The following ADAMTS9 variants were observed in gnomAD, a reference collection of about 807,000 sequenced individuals.
ADAMTS9 encodes the protein A disintegrin and metalloproteinase with thrombospondin motifs 9.
ADAMTS9 carries 107 observed loss-of-function variants against 257.1 expected under a neutral mutation model. That is an observed-to-expected ratio of 0.42 (90% CI 0.36 to 0.49). The LOEUF (loss-of-function observed/expected upper bound fraction) is 0.49. ADAMTS9 is among the 20% of genes least tolerant of loss of function. ADAMTS9 has a pLI of 0.03. For synonymous variants in ADAMTS9, 982 were observed against 880.9 expected (o/e 1.11, Z -2.03); for missense variants, 2,353 against 2,469.1 (o/e 0.95, Z 1.00).
In ADAMTS9 at chr3:64,641,937, T is replaced by C. The variant is rs372560691; in HGVS notation, c.1767A>G (p.Gly589=). 3.5e-5 allele frequency: 56 copies of C among 1,613,964 alleles called. No homozygotes were observed. Among genetic ancestry groups the C allele is most frequent in the Non-Finnish European group, 4.3e-5 (51 of 1,179,990 alleles). The change falls in exon 12 of 40, where the codon GGA becomes GGG. Residue 589 remains glycine (G), a synonymous_variant. Coordinates refer to ENST00000498707, the MANE Select transcript of ADAMTS9 (RefSeq NM_182920.2). ...CAAAGGGACTCCAACTTCCCCAGGA[T>C]CCATCTGTCACGGGGACATCCATTT... is the stretch of plus-strand genomic sequence containing the variant. ...PKEMDVPVTD[G]SWGSWSPFGT... is the part of the protein sequence containing the mutation.
At chr3:64,601,386 C>G (rs1360631479) in intron 26 of ADAMTS9, among the ~76,000 whole-genome samples, 2 of 152,122 alleles carry the variant, frequency 1.3e-5, no homozygotes, top group African/African-American at 2.4e-5. Flanking sequence ...TGGATCAAAC[C>G]TACGCATCTT....
At chr3:64,576,376 T>A (rs890479516) in intron 28 of ADAMTS9, among the ~76,000 whole-genome samples, 1 of 152,062 alleles carries the variant, frequency 6.6e-6, no homozygotes, top group African/African-American at 2.4e-5. Context: ...GCTGTGAGAG[T>A]TGTCACAGTC....
At chr3:64,608,350 A>T (rs886182642) in intron 22 of ADAMTS9, among the ~76,000 whole-genome samples, 1 of 151,866 alleles carries the variant, frequency 6.6e-6, no homozygotes, top group East Asian at 1.9e-4. Context: ...AATAGAAAAA[A>T]ATCAACAGAA....
intron 16 of ADAMTS9, among the ~76,000 whole-genome samples, chr3:64,622,902 T>C (rs998124363): frequency 1.3e-5 from 2 of 152,248 alleles, no homozygotes; most frequent in African/African-American, 4.8e-5. Context: ...CCCACAGTTA[T>C]AGAATTATAG....
At chr3:64,671,180 A>G (rs1435494267) in intron 3 of ADAMTS9, among the ~76,000 whole-genome samples, 1 of 152,206 alleles carries the variant, frequency 6.6e-6, no homozygotes, top group African/African-American at 2.4e-5. Context: ...CATTCAGTGG[A>G]ATACAGCTCA....
intron 22 of ADAMTS9, among the ~76,000 whole-genome samples, chr3:64,610,540 G>A (rs912727414): frequency 6.6e-6 from 1 of 151,930 alleles, no homozygotes; most frequent in African/African-American, 2.4e-5. Context: ...AAGTTGAATA[G>A]ACACTTCTCC....
intron 39 of ADAMTS9, among the ~76,000 whole-genome samples, chr3:64,520,312 G>A (rs536239276): frequency 1.3e-5 from 2 of 152,114 alleles, no homozygotes; most frequent in East Asian, 1.9e-4. Context: ...ATAGAAAAAC[G>A]TTCCATGCTC....
chr3:64,661,261 A>G (rs972300660), intron 3 of ADAMTS9, among the ~76,000 whole-genome samples: 1 of 152,180 alleles, frequency 6.6e-6, no homozygotes, highest in Non-Finnish European at 1.5e-5. Flanking sequence ...TATGTATACC[A>G]ATGCCAATAA....
chr3:64,532,141 C>T (rs2082990224), intron 38 of ADAMTS9, among the ~76,000 whole-genome samples: 1 of 152,172 alleles, frequency 6.6e-6, no homozygotes, highest in Non-Finnish European at 1.5e-5. Context: ...AAACAGTACA[C>T]AGTCGACACG....
In ADAMTS9 at chr3:64,631,557, A is replaced by G. The variant is rs767247886; in HGVS notation, c.2294-7T>C. ...CGGACCACAGTATTGTAACCTGAAA[A>G]GAATTTAGCAGAAATTCAGTACTCC... On this transcript the variant is annotated splice_polypyrimidine_tract_variant and splice_region_variant and intron_variant, in intron 15 of 39. Coordinates refer to ENST00000498707, the MANE Select transcript of ADAMTS9 (RefSeq NM_182920.2). The G allele has an allele frequency of 6.2e-7, 1 of 1,608,960 alleles. No individual in the cohort carries two copies. The highest frequency in any genetic ancestry group is 1.1e-5 in the South Asian group (1 of 90,978).
At chr3:64,641,329 T>A (rs1700634418) in intron 12 of ADAMTS9, among the ~76,000 whole-genome samples, 1 of 152,004 alleles carries the variant, frequency 6.6e-6, no homozygotes, top group African/African-American at 2.4e-5. Context: ...TATTTTTTAT[T>A]ATTACTATAC....
intron 23 of ADAMTS9, among the ~76,000 whole-genome samples, chr3:64,605,745 G>A (rs916998544): frequency 1.3e-5 from 2 of 152,130 alleles, no homozygotes; most frequent in African/African-American, 4.8e-5. Flanking sequence ...GAAAAAAGAT[G>A]TGTGTGTGTT....
rs946427821 is a variant in ADAMTS9 at position 64,686,482 on chromosome 3, G to C, written c.516+86C>G. On this transcript the variant is annotated intron_variant, in intron 2 of 39. Transcript: ENST00000498707. This position sits in a 1 kb window ranked among gnomAD's most constrained non-coding sequence, Gnocchi z 4.6. The stretch of plus-strand genomic sequence containing the variant: ...GAGGAGCGGAGCCTCGCCACAGTGA[G>C]GGTCTCTAGGCTTAGAGGACAATTA... 4 of 1,446,740 alleles carry C rather than the reference G, an allele frequency of 2.8e-6. No individual in the cohort carries two copies. In the African/African-American group the frequency reaches 5.7e-5, roughly 21 times the overall value. 89.6% of individuals were successfully genotyped at this position (1,446,740 alleles called of 1,614,324 possible).
intron 29 of ADAMTS9, among the ~76,000 whole-genome samples, chr3:64,566,861 CAA>C (rs201080933): frequency 7.0e-6 from 1 of 142,258 alleles, no homozygotes. Context: ...CGAATAGCTC[CAA>C]AAAAAAAAAG....
chr3:64,633,831 C>A lies in ADAMTS9; in HGVS notation c.1905G>T (p.Lys635Asn). The change falls in exon 13 of 40, where the codon AAG becomes AAT. Residue 635 changes from lysine (K) to asparagine (N), a missense_variant. By Grantham distance (94) the Lys-to-Asn change is moderately conservative. This residue lies in a region of ADAMTS9 where 360 missense variants were observed against 458.1 expected (regional missense o/e 0.79). Transcript: ENST00000498707. ...TGAGACATGGCTCCGTGTTGCAGGA[C>A]TTAAATTTCATTCTACGTCCTACAC... ...KYCVGRRMKF[K>N]SCNTEPCLKQ... is the part of the protein sequence containing the mutation. 1 of 1,613,352 alleles carries A rather than the reference C, an allele frequency of 6.2e-7. No homozygotes were observed.
rs751198405 is a variant in ADAMTS9, at chr3:64,568,558, G to C, written c.4357-23C>G. Reference sequence around the variant, plus strand: ...ACACTGCAATATAAAGCAATGGCAAGGTTGTTGTTGTTTTTTAATTACACG... The same window carrying C: ...ACACTGCAATATAAAGCAATGGCAACGTTGTTGTTGTTTTTTAATTACACG... On this transcript the variant is annotated intron_variant, in intron 28 of 39. Coordinates refer to ENST00000498707, the MANE Select transcript of ADAMTS9 (RefSeq NM_182920.2). 3.7e-6 allele frequency: 6 copies of C among 1,606,760 alleles called. No homozygotes were observed. The South Asian group carries it at 6.7e-5, about 18-fold the overall frequency.
chr3:64,646,543 T>A (rs1284015714), intron 11 of ADAMTS9, among the ~76,000 whole-genome samples: 1 of 152,206 alleles, frequency 6.6e-6, no homozygotes, highest in Non-Finnish European at 1.5e-5. Flanking sequence ...CGTATAAACT[T>A]TGTGTTAGGT....
intron 8 of ADAMTS9, 112 bp downstream of exon 8, chr3:64,654,241 T>C: frequency 1.9e-6 from 2 of 1,073,096 alleles, no homozygotes; most frequent in Non-Finnish European, 2.7e-6. Context: ...AACTCTACTA[T>C]GACTCGGGAA....
At chr3:64,670,600 A>G (rs1470500749) in intron 3 of ADAMTS9, among the ~76,000 whole-genome samples, 1 of 152,236 alleles carries the variant, frequency 6.6e-6, no homozygotes, top group African/African-American at 2.4e-5. Flanking sequence ...AATCTGGGAG[A>G]CAATATTTAA....
Sources: gnomAD v4.1 joint callset for allele counts (sites outside exome capture counted in the v4.1 genomes callset) on GRCh38, gnomAD v4.1.1 for gene constraint, gnomAD v4.1.1 regional missense constraint, Gnocchi (gnomAD v3.1) non-coding constraint, MANE v1.5 for transcripts, NCBI Gene and HGNC (gene_info 2026-07-23, HGNC 2026-07-21) for gene names.